The following LINGO2 variants were observed in gnomAD, a reference collection of about 807,000 sequenced individuals.
LINGO2 encodes the protein leucine-rich repeat and immunoglobulin-like domain-containing nogo receptor-interacting protein 2.
In LINGO2, 14 loss-of-function variants were observed where a neutral mutation model predicts 30.6. The ratio of observed to expected loss-of-function variants is 0.46; its 90% confidence interval spans 0.30 to 0.72. The LOEUF is 0.72. Ranked by LOEUF, LINGO2 falls within the 30% of genes least tolerant of loss-of-function variation. The pLI is 0.07. For synonymous variants in LINGO2, 317 were observed against 288.5 expected (o/e 1.10, Z -1.00); for missense variants, 729 against 751.7 (o/e 0.97, Z 0.35).
At chr9:28,771,489 G>C in the LINGO2 span, among the ~76,000 whole-genome samples, 2 of 139,876 alleles carry the variant, frequency 1.4e-5, no homozygotes, top group Non-Finnish European at 3.2e-5. Context: ...GTGTGTGTGT[G>C]TGTGTGTGTG....
intron 1 of LINGO2, among the ~76,000 whole-genome samples, chr9:28,636,918 T>A (rs1827308294): frequency 6.6e-6 from 1 of 152,156 alleles, no homozygotes; most frequent in Non-Finnish European, 1.5e-5. Context: ...CTGAATGGTA[T>A]TCCTTAGGTT....
intron 4 of LINGO2, among the ~76,000 whole-genome samples, chr9:28,174,257 G>C (rs988495829): frequency 1.3e-5 from 2 of 152,158 alleles, no homozygotes; most frequent in Non-Finnish European, 2.9e-5. Flanking sequence ...TGCATTAATT[G>C]TAAAGGTTTA....
At chr9:28,514,340 G>A (rs988079410) in intron 1 of LINGO2, among the ~76,000 whole-genome samples, 1 of 152,090 alleles carries the variant, frequency 6.6e-6, no homozygotes, top group South Asian at 2.1e-4. Flanking sequence ...AGCTTAATGA[G>A]AAAAACACAT....
intron 1 of LINGO2, among the ~76,000 whole-genome samples, chr9:28,566,435 C>T (rs1048921671): frequency 5.9e-5 from 9 of 152,078 alleles, no homozygotes; most frequent in Admixed American, 1.3e-4. Context: ...ACATGAAATA[C>T]CCACCTTCTG....
chr9:29,172,396 T>C, the LINGO2 span, among the ~76,000 whole-genome samples: 1 of 151,846 alleles, frequency 6.6e-6, no homozygotes, highest in Non-Finnish European at 1.5e-5. Context: ...TCCCAGGAAA[T>C]TTAAAACTCG....
Position 28,544,697 on chromosome 9 carries a change from A to G in LINGO2, c.-364-68672T>C, listed in dbSNP as rs181728763. ...CATCATATTAAAAATGCCATAAGGC[A>G]ATATATGTGAGTACACTGAATATAA... On this transcript the variant is annotated intron_variant, in intron 1 of 5. Coordinates refer to ENST00000379992, the Ensembl canonical transcript of LINGO2. 2.6e-5 allele frequency among the ~76,000 whole-genome samples: 4 copies of G among 151,800 alleles called. No homozygotes were observed. In the East Asian group the frequency reaches 7.7e-4, roughly 29 times the overall value.
chr9:28,211,921 A>C (rs1229321964), intron 4 of LINGO2, among the ~76,000 whole-genome samples: 1 of 148,926 alleles, frequency 6.7e-6, no homozygotes, highest in African/African-American at 2.5e-5. Flanking sequence ...TTGCATTCTC[A>C]TGCTTAATTT....
chr9:27,969,067 T>G (rs1773936876), intron 5 of LINGO2, among the ~76,000 whole-genome samples: 1 of 151,924 alleles, frequency 6.6e-6, no homozygotes, highest in Non-Finnish European at 1.5e-5. Context: ...CTGAATAATT[T>G]GTATTGAAAG....
chr9:29,008,036 C>T, the LINGO2 span, among the ~76,000 whole-genome samples: 2 of 152,032 alleles, frequency 1.3e-5, no homozygotes, highest in Non-Finnish European at 2.9e-5. Context: ...ATTAACTTGC[C>T]ATTTAAATTA....
chr9:29,141,391 T>C, the LINGO2 span, among the ~76,000 whole-genome samples: 1 of 150,728 alleles, frequency 6.6e-6, no homozygotes, highest in Non-Finnish European at 1.5e-5. Flanking sequence ...TAATGGAAAC[T>C]ACAAAGAAAA....
At chr9:29,182,196 T>C in the LINGO2 span, among the ~76,000 whole-genome samples, 2 of 152,190 alleles carry the variant, frequency 1.3e-5, no homozygotes, top group South Asian at 2.1e-4. Flanking sequence ...CCACAACGCA[T>C]TTAAAATGAT....
chr9:28,407,661 C>T (rs182748325), intron 2 of LINGO2, among the ~76,000 whole-genome samples: 5 of 152,162 alleles, frequency 3.3e-5, no homozygotes, highest in African/African-American at 7.2e-5. Flanking sequence ...TATGAAATGA[C>T]GCATGCTAAA....
chr9:28,293,961 G>C (rs770704369), intron 4 of LINGO2, among the ~76,000 whole-genome samples: 3 of 152,134 alleles, frequency 2.0e-5, no homozygotes, highest in Non-Finnish European at 4.4e-5. Flanking sequence ...TTCTAAATGT[G>C]AGTAATCCAC....
At chr9:28,675,911 A>G in the LINGO2 span, among the ~76,000 whole-genome samples, 2 of 133,566 alleles carry the variant, frequency 1.5e-5, no homozygotes, top group African/African-American at 3.1e-5. Flanking sequence ...GTATGTATAT[A>G]TATATATATA....
chr9:29,158,887 TC>T, the LINGO2 span, among the ~76,000 whole-genome samples: 37,811 of 151,954 alleles, frequency 0.25, 4,894 homozygotes, highest in East Asian at 0.44. Context: ...TCTAAGAGCA[TC>T]CCATGTCCTC....
chr9:28,171,019 A>G (rs544420269), intron 4 of LINGO2, among the ~76,000 whole-genome samples: 1 of 152,280 alleles, frequency 6.6e-6, no homozygotes, highest in East Asian at 1.9e-4. Flanking sequence ...ATCATCCCCA[A>G]CCCAAAACCA....
At chr9:28,248,790 T>C (rs571320504) in intron 4 of LINGO2, among the ~76,000 whole-genome samples, 1 of 152,304 alleles carries the variant, frequency 6.6e-6, no homozygotes, top group East Asian at 1.9e-4. Flanking sequence ...AGTTTCTATG[T>C]TGATTCAAGG....
chr9:28,422,819 A>T lies in LINGO2; in HGVS notation c.-278-49951T>A, dbSNP rs530102180. Among the ~76,000 whole-genome samples, 113 of 152,230 alleles carry T rather than the reference A, an allele frequency of 7.4e-4. 1 individual carries two copies. The East Asian group carries it at 0.02, about 28-fold the overall frequency. ...CATTAATAAAATTTGGTACACATAT[A>T]CAATGGAGTATTTTTCAGGAAAAAT... is the stretch of plus-strand genomic sequence containing the variant. On this transcript the variant is annotated intron_variant, in intron 2 of 5. Coordinates refer to ENST00000379992, the Ensembl canonical transcript of LINGO2.
chr9:29,047,055 AAAAC>A, the LINGO2 span, among the ~76,000 whole-genome samples: 4 of 10,830 alleles, frequency 3.7e-4, no homozygotes, highest in Admixed American at 1.2e-3. Flanking sequence ...AAAAAAACCA[AAAAC>A]AAACAAACAA....
Sources: gnomAD v4.1 joint callset for allele counts (sites outside exome capture counted in the v4.1 genomes callset) on GRCh38, gnomAD v4.1.1 for gene constraint, MANE v1.5 for transcripts, NCBI Gene and HGNC (gene_info 2026-07-23, HGNC 2026-07-21) for gene names.